The following SLC44A5 variants were observed in gnomAD, a reference collection of about 807,000 sequenced individuals.
SLC44A5 encodes choline transporter-like protein 5.
In SLC44A5, 57 loss-of-function variants were observed where a neutral mutation model predicts 101.8. The ratio of observed to expected loss-of-function variants is 0.56; its 90% CI spans 0.45 to 0.70. The LOEUF (loss-of-function observed/expected upper bound fraction) is 0.70. Ranked by LOEUF, SLC44A5 falls within the 30% of genes least tolerant of loss-of-function variation. The pLI, the probability that SLC44A5 is intolerant of heterozygous loss-of-function variation, is 0.00. For synonymous variants in SLC44A5, 281 were observed against 290.9 expected, an observed-to-expected ratio of 0.97 and a Z score of 0.35; for missense variants, 737 against 853.1, an observed-to-expected ratio of 0.86 and a Z score of 1.70.
At chr1:75,462,888 A>G (rs926936774) in intron 2 of SLC44A5, among the ~76,000 whole-genome samples, 2 of 152,166 alleles carry the variant, frequency 1.3e-5, no homozygotes, top group Admixed American at 6.5e-5. Context: ...CACACCTGCG[A>G]TATCTAGAAA....
At chr1:75,367,093 T>C (rs1342086691) in intron 3 of SLC44A5, among the ~76,000 whole-genome samples, 2 of 152,220 alleles carry the variant, frequency 1.3e-5, no homozygotes, top group African/African-American at 4.8e-5. Context: ...GTTTGCTTAA[T>C]TGTTTGTAAT....
intron 2 of SLC44A5, among the ~76,000 whole-genome samples, chr1:75,509,997 A>G (rs1486428150): frequency 6.6e-6 from 1 of 152,176 alleles, no homozygotes; most frequent in Non-Finnish European, 1.5e-5. Context: ...AGCAAGACAC[A>G]TCTTACATGG....
At chr1:75,247,409 C>T (rs1006200425) in intron 7 of SLC44A5, among the ~76,000 whole-genome samples, 11 of 152,076 alleles carry the variant, frequency 7.2e-5, no homozygotes, top group Admixed American at 7.2e-4. Flanking sequence ...AGATGCCAAC[C>T]AAATATTCAT....
intron 2 of SLC44A5, among the ~76,000 whole-genome samples, chr1:75,511,528 A>G (rs1669570892): frequency 6.6e-6 from 1 of 152,210 alleles, no homozygotes; most frequent in African/African-American, 2.4e-5. Context: ...CTAGCAGAGT[A>G]TTTCTTATTT....
chr1:75,291,097 G>T (rs1653503672), intron 5 of SLC44A5, among the ~76,000 whole-genome samples: 1 of 151,920 alleles, frequency 6.6e-6, no homozygotes, highest in Non-Finnish European at 1.5e-5. Context: ...ACACCTGTGG[G>T]TTTTTTTTGT....
At position 75,378,126 on chromosome 1, in the gene SLC44A5, C is replaced by T. The variant is rs370614626; in HGVS notation, c.52+18457G>A. Among the ~76,000 whole-genome samples the T allele has an allele frequency of 9.9e-3, 797 of 80,818 alleles. 269 individuals carry two copies. The highest frequency in any genetic ancestry group is 0.012 in the Non-Finnish European group (546 of 47,140). 53.0% of individuals were successfully genotyped at this position (80,818 alleles called of 152,430 possible). ...AGCGTGGTCATTGAGGACAAGTCGACGAGAGATCCCAAGTACGTCTACAGT... is the reference window on the plus strand; with the variant it reads ...AGCGTGGTCATTGAGGACAAGTCGATGAGAGATCCCAAGTACGTCTACAGT... On this transcript the variant is annotated intron_variant, in intron 3 of 23. Transcript: ENST00000370859.
At chr1:75,603,947 T>C (rs973518016) in intron 1 of SLC44A5, among the ~76,000 whole-genome samples, 2 of 152,078 alleles carry the variant, frequency 1.3e-5, no homozygotes, top group African/African-American at 4.8e-5. Flanking sequence ...GTGAATATTT[T>C]CTCCCACTCT....
the SLC44A5 span, among the ~76,000 whole-genome samples, chr1:75,660,911 A>T: frequency 6.6e-6 from 1 of 152,114 alleles, no homozygotes; most frequent in Non-Finnish European, 1.5e-5. Flanking sequence ...TACTTTGTAG[A>T]CCCAAAGAAA....
the SLC44A5 span, among the ~76,000 whole-genome samples, chr1:75,651,506 C>T: frequency 6.6e-6 from 1 of 151,902 alleles, no homozygotes; most frequent in Admixed American, 6.6e-5. Flanking sequence ...ACCATCCTGG[C>T]TAACACGGTG....
At chr1:75,260,304 T>C (rs1415603571) in intron 6 of SLC44A5, among the ~76,000 whole-genome samples, 4 of 152,070 alleles carry the variant, frequency 2.6e-5, no homozygotes, top group South Asian at 2.1e-4. Flanking sequence ...AAGACACACA[T>C]AGGCTCAAAA....
chr1:75,714,684 T>A, the SLC44A5 span, among the ~76,000 whole-genome samples: 1 of 152,172 alleles, frequency 6.6e-6, no homozygotes, highest in African/African-American at 2.4e-5. Flanking sequence ...CAGTAGTATT[T>A]TCTTTTTTTT....
chr1:75,262,912 G>A (rs1227463079), intron 6 of SLC44A5, among the ~76,000 whole-genome samples: 1 of 152,156 alleles, frequency 6.6e-6, no homozygotes, highest in Non-Finnish European at 1.5e-5. Context: ...ATGGTGTTGG[G>A]AAAACTGGCT....
chr1:75,228,779 A>G (rs1207465549), intron 12 of SLC44A5, among the ~76,000 whole-genome samples: 1 of 151,784 alleles, frequency 6.6e-6, no homozygotes, highest in Non-Finnish European at 1.5e-5. Context: ...GCCTAGAGTC[A>G]ATATGTTAAC....
At chr1:75,378,457 TA>T in intron 3 of SLC44A5, among the ~76,000 whole-genome samples, 1 of 65,282 alleles carries the variant, frequency 1.5e-5, no homozygotes, top group African/African-American at 1.2e-4. Context: ...ATTGGGCCAT[TA>T]TTAAAGCAGC....
intron 1 of SLC44A5, among the ~76,000 whole-genome samples, chr1:75,591,777 A>T (rs560868648): frequency 2.8e-4 from 43 of 152,272 alleles, no homozygotes; most frequent in African/African-American, 9.9e-4. Flanking sequence ...GATAAAAATC[A>T]TATGATAATT....
chr1:75,203,587 G>T lies in SLC44A5; in HGVS notation c.*140C>A. On this transcript the variant is annotated 3_prime_UTR_variant, in exon 24 of 24. Transcript: ENST00000370859. The stretch of plus-strand genomic sequence containing the variant: ...TTCACATAGTACAGTATAAGCTTTG[G>T]TATAAAACATGCAAATGCAAGCCAA... The T allele has an allele frequency of 1.0e-6, 1 of 979,964 alleles. No individual in the cohort carries two copies. The highest frequency in any genetic ancestry group is 2.8e-5 in the East Asian group (1 of 35,382). The allele number at this position is 979,964 out of a possible 1,614,324, so 60.7% of individuals were successfully genotyped here.
intron 23 of SLC44A5, among the ~76,000 whole-genome samples, chr1:75,208,486 G>A (rs1646791317): frequency 6.6e-6 from 1 of 152,166 alleles, no homozygotes; most frequent in Non-Finnish European, 1.5e-5. Flanking sequence ...GTGAAATTGT[G>A]AAGAAGAAAA....
chr1:75,383,351 C>A (rs1661038164), intron 3 of SLC44A5, among the ~76,000 whole-genome samples: 1 of 145,996 alleles, frequency 6.8e-6, no homozygotes, highest in Admixed American at 7.0e-5. Flanking sequence ...CCCCGGTTCC[C>A]CTTATTTCTT....
chr1:75,677,629 A>G, the SLC44A5 span: 1 of 364,984 alleles, frequency 2.7e-6, no homozygotes, highest in Non-Finnish European at 5.2e-6. Flanking sequence ...GTAAGTCCTT[A>G]ATTATCAATA....
Sources: gnomAD v4.1 joint callset for allele counts (sites outside exome capture counted in the v4.1 genomes callset) on GRCh38, gnomAD v4.1.1 for gene constraint, MANE v1.5 for transcripts, NCBI Gene and HGNC (gene_info 2026-07-23, HGNC 2026-07-21) for gene names.